Variants in ANO4 observed in about 807,000 individuals in gnomAD.
ANO4 encodes the protein anoctamin 4.
Under a neutral mutation model 141.9 loss-of-function variants are expected in ANO4, and 69 were observed. The observed-to-expected ratio is 0.49, with a 90% CI of 0.40 to 0.59. The LOEUF (loss-of-function observed/expected upper bound fraction) is 0.59, where lower values mean the gene tolerates loss of function less well. ANO4 is among the 20% of genes least tolerant of loss of function. The probability of loss-of-function intolerance (pLI) is 0.00; values close to 1 mark genes in which losing one functional copy is unlikely to be tolerated. For missense variants in ANO4, 894 were observed against 1,162.2 expected (o/e 0.77, Z 3.36); for synonymous variants, 350 against 394.3 (o/e 0.89, Z 1.33).
intron 3 of ANO4, among the ~76,000 whole-genome samples, chr12:100,762,586 C>T (rs1469084161): frequency 6.6e-6 from 1 of 152,194 alleles, no homozygotes; most frequent in Non-Finnish European, 1.5e-5. Context: ...AGAACAAGTG[C>T]TTACTTCCCT....
At chr12:101,081,069 T>C (rs78921109) in intron 15 of ANO4, among the ~76,000 whole-genome samples, 2,166 of 150,724 alleles carry the variant, frequency 0.014, 66 homozygotes, top group African/African-American at 0.051. Context: ...ATTCTAGGTT[T>C]GAAGAAGCTT....
chr12:100,941,464 A>G (rs1342756215), intron 4 of ANO4, among the ~76,000 whole-genome samples: 1 of 152,108 alleles, frequency 6.6e-6, no homozygotes, highest in African/African-American at 2.4e-5. Context: ...TGCTTTTTTT[A>G]TCAGTGTTGT....
rs59678820 is a variant in ANO4, at chr12:101,029,907, T to TA, written c.842-7173dup. Among the ~76,000 whole-genome samples the TA allele has an allele frequency of 2.8e-4, 27 of 96,200 alleles. 1 individual carries two copies. Among genetic ancestry groups the TA allele is most frequent in the East Asian group, 6.4e-4 (2 of 3,122 alleles). The allele number at this position is 96,200 out of a possible 152,430, so 63.1% of individuals were successfully genotyped here. On this transcript the variant is annotated intron_variant, in intron 9 of 27. Coordinates refer to ENST00000392977, the MANE Select transcript of ANO4 (RefSeq NM_001286615.2). Reference sequence around the variant, plus strand: ...CCTCGTGAAAGAGCAAGTCTCCGTCTAAAAAAAAAAAAAAAGAGCTAACTA... The same window carrying TA: ...CCTCGTGAAAGAGCAAGTCTCCGTCTAAAAAAAAAAAAAAAAGAGCTAACTA...
chr12:100,894,751 G>T (rs1177116212), intron 1 of ANO4, among the ~76,000 whole-genome samples: 1 of 151,896 alleles, frequency 6.6e-6, no homozygotes, highest in Non-Finnish European at 1.5e-5. Context: ...CGGATCACGA[G>T]GTCAGGAGAT....
At chr12:100,892,613 G>A (rs555825521) in intron 1 of ANO4, among the ~76,000 whole-genome samples, 1 of 152,228 alleles carries the variant, frequency 6.6e-6, no homozygotes, top group Non-Finnish European at 1.5e-5. Context: ...AAATGTTCAA[G>A]TCCCTTACAT....
chr12:100,772,018 C>T (rs895406648), intron 3 of ANO4, among the ~76,000 whole-genome samples: 2 of 152,194 alleles, frequency 1.3e-5, no homozygotes, highest in South Asian at 2.1e-4. Context: ...TCCTCAAGAC[C>T]TTCAGTGGGA....
chr12:101,097,291 A>AT (rs1029293919), intron 19 of ANO4, among the ~76,000 whole-genome samples: 2 of 152,098 alleles, frequency 1.3e-5, no homozygotes, highest in African/African-American at 2.4e-5. Context: ...TAGTTCAATA[A>AT]TTTTTTTAAC....
chr12:100,888,288 G>A (rs949563532), intron 1 of ANO4, among the ~76,000 whole-genome samples: 1 of 152,190 alleles, frequency 6.6e-6, no homozygotes, highest in African/African-American at 2.4e-5. Context: ...GGTTCAGTTA[G>A]GAATCAGAAT....
At chr12:100,992,443 T>C (rs755145539) in intron 8 of ANO4, among the ~76,000 whole-genome samples, 3 of 152,150 alleles carry the variant, frequency 2.0e-5, no homozygotes, top group Non-Finnish European at 4.4e-5. Context: ...CCTGGAATTC[T>C]CTTCCGATTC....
At chr12:100,876,582 A>G (rs1325923707) in intron 1 of ANO4, among the ~76,000 whole-genome samples, 1 of 152,186 alleles carries the variant, frequency 6.6e-6, no homozygotes, top group Non-Finnish European at 1.5e-5. Context: ...AAAGGGAAGA[A>G]TTACAGGGAA....
chr12:100,985,191 A>G (rs2044655386), intron 7 of ANO4, among the ~76,000 whole-genome samples: 1 of 152,232 alleles, frequency 6.6e-6, no homozygotes. Context: ...TAGCTGAGGA[A>G]GTCTAATTTA....
At chr12:101,117,611 A>G (rs1271392588) in intron 25 of ANO4, among the ~76,000 whole-genome samples, 2 of 152,194 alleles carry the variant, frequency 1.3e-5, no homozygotes, top group Non-Finnish European at 2.9e-5. Flanking sequence ...TGAGGAGGCC[A>G]AGTTGGGAGG....
chr12:100,897,151 T>G (rs977459154), intron 1 of ANO4, among the ~76,000 whole-genome samples: 1 of 152,226 alleles, frequency 6.6e-6, no homozygotes, highest in Non-Finnish European at 1.5e-5. Context: ...ACTTTGGGTC[T>G]TTTATCAAGT....
At chr12:100,925,709 C>A (rs2041838211) in intron 3 of ANO4, among the ~76,000 whole-genome samples, 1 of 149,920 alleles carries the variant, frequency 6.7e-6, no homozygotes, top group Non-Finnish European at 1.5e-5. Context: ...TTAAGATTAA[C>A]AAGATGATGG....
At position 100,762,487 on chromosome 12, in the gene ANO4, G is replaced by T. The variant is rs2032909595; in HGVS notation, c.358+22382G>T. On this transcript the variant is annotated intron_variant, in intron 3 of 29. Transcript: ENST00000644049. ...CTTTTGACTAGACTACCTTTTCCCAGTTGAAAAGCAAGGCTCCCCTGGCAA... is the reference window on the plus strand; with the variant it reads ...CTTTTGACTAGACTACCTTTTCCCATTTGAAAAGCAAGGCTCCCCTGGCAA... Among the ~76,000 whole-genome samples the T allele has an allele frequency of 3.9e-5, 6 of 152,146 alleles. No individual in the cohort carries two copies. In the South Asian group the frequency reaches 1.2e-3, roughly 32 times the overall value.
intron 7 of ANO4, among the ~76,000 whole-genome samples, chr12:100,980,855 C>T (rs1371756936): frequency 2.0e-5 from 3 of 152,044 alleles, no homozygotes; most frequent in African/African-American, 7.2e-5. Flanking sequence ...AATTGCCTAT[C>T]CAATAAAAAG....
intron 14 of ANO4, chr12:101,067,033 G>C (rs1357949508): frequency 3.8e-6 from 2 of 528,336 alleles, no homozygotes; most frequent in Admixed American, 6.6e-5. Context: ...AACAGACCAT[G>C]CTGGGCTTAT....
rs565550996 is a variant in ANO4, at chr12:100,852,308, T to C, written c.-140-49338T>C. The C allele has an allele frequency of 2.0e-5, 3 of 152,324 alleles. No individual in the cohort carries two copies. The South Asian group carries it at 6.2e-4, about 32-fold the overall frequency. The allele number at this position is 152,324 out of a possible 1,614,324, so 9.4% of individuals were successfully genotyped here. ...AGCAGTTCAGTTGTGTTCAGATGTA[T>C]GTAACAAACCCTGCTGCAGAGGTTG... On this transcript the variant is annotated intron_variant, in intron 1 of 27. Transcript: ENST00000392977.
intron 1 of ANO4, among the ~76,000 whole-genome samples, chr12:100,803,227 A>C (rs76518942): frequency 6.2e-4 from 94 of 152,270 alleles, no homozygotes; most frequent in African/African-American, 2.2e-3. Flanking sequence ...CAACCCCGGG[A>C]GCAGAGAAAT....
Sources: gnomAD v4.1 joint callset for allele counts (sites outside exome capture counted in the v4.1 genomes callset) on GRCh38, gnomAD v4.1.1 for gene constraint, MANE v1.5 for transcripts, NCBI Gene and HGNC (gene_info 2026-07-23, HGNC 2026-07-21) for gene names.